ADGRG7: variants seen among roughly 807,000 people sequenced by gnomAD.
ADGRG7 encodes G-protein coupled receptor 128.
Under a neutral mutation model 88.6 loss-of-function variants are expected in ADGRG7, and 82 were observed. The observed-to-expected ratio is 0.93, with a 90% CI of 0.77 to 1.11. The LOEUF is 1.11. ADGRG7 is among the 50% of genes most tolerant of loss of function. ADGRG7 has a pLI of 0.00. For missense variants in ADGRG7, 945 were observed against 953.4 expected, an observed-to-expected ratio of 0.99 and a Z score of 0.12; for synonymous variants, 381 against 345.2, an observed-to-expected ratio of 1.10 and a Z score of -1.15.
At chr3:100,669,435 G>A (rs1199597529) in intron 15 of ADGRG7, among the ~76,000 whole-genome samples, 2 of 150,128 alleles carry the variant, frequency 1.3e-5, no homozygotes, top group African/African-American at 4.9e-5. Context: ...GTCTCCTGCT[G>A]AGGCACGAGA....
At chr3:100,687,286 TG>T (rs1322159571) in intron 15 of ADGRG7, among the ~76,000 whole-genome samples, 1 of 152,220 alleles carries the variant, frequency 6.6e-6, no homozygotes, top group Non-Finnish European at 1.5e-5. Flanking sequence ...GCTGAGATGA[TG>T]GGGTTTTCTA....
rs552567367 is a variant in ADGRG7, at chr3:100,648,522, C to T, written c.1267-1173C>T. 1.8e-3 allele frequency among the ~76,000 whole-genome samples: 280 copies of T among 151,926 alleles called. 2 individuals carry two copies. Among genetic ancestry groups the T allele is most frequent in the African/African-American group, 6.2e-3 (258 of 41,440 alleles). ...ATTGCATAAAGCATGAAAGTATGCA[C>T]CAAACAAAAATATACTGATATGGAA... On this transcript the variant is annotated intron_variant, in intron 10 of 15. Coordinates refer to ENST00000273352, the MANE Select transcript of ADGRG7 (RefSeq NM_032787.3).
chr3:100,684,494 C>T (rs2094978965), intron 15 of ADGRG7, among the ~76,000 whole-genome samples: 5 of 152,040 alleles, frequency 3.3e-5, no homozygotes, highest in South Asian at 2.1e-4. Context: ...TCTTGAACTC[C>T]TGGGCTCAAG....
chr3:100,668,284 G>A (rs1000077932), intron 14 of ADGRG7, among the ~76,000 whole-genome samples: 1 of 152,146 alleles, frequency 6.6e-6, no homozygotes, highest in East Asian at 1.9e-4. Flanking sequence ...GTGTTTGGTT[G>A]GTTTTAGTAG....
At chr3:100,679,772 T>C (rs1037407474) in intron 15 of ADGRG7, among the ~76,000 whole-genome samples, 3 of 152,200 alleles carry the variant, frequency 2.0e-5, no homozygotes, top group Non-Finnish European at 4.4e-5. Context: ...TTTTCTCCTA[T>C]GTAAGGGGTT....
chr3:100,687,107 A>G (rs1335689213), intron 15 of ADGRG7, among the ~76,000 whole-genome samples: 74 of 152,254 alleles, frequency 4.9e-4, no homozygotes, highest in African/African-American at 1.7e-3. Flanking sequence ...TCCCTTGTAC[A>G]TTAGATTCCT....
rs2094999937 is a variant in ADGRG7, at chr3:100,694,965, ACT to A, written c.2363_2364del (p.Ser788Ter). 2 of 1,614,108 alleles carry A rather than the reference ACT, an allele frequency of 1.2e-6. No individual in the cohort carries two copies. Among genetic ancestry groups the A allele is most frequent in the Non-Finnish European group, 8.5e-7 (1 of 1,179,982 alleles). On this transcript the variant is annotated frameshift_variant, in exon 16 of 16. Transcript: ENST00000273352. LOFTEE classifies it high-confidence loss of function. ...CCTCTCCGAGTACTGAGGAAATCAC[ACT>A]CTCTGAAAGTGACAATGCAAAGGAA... ...ETSPSTEEIT[L>X]SESDNAKESI is the part of the protein sequence containing the mutation.
chr3:100,625,822 G>A (rs925687390), intron 1 of ADGRG7, among the ~76,000 whole-genome samples: 6 of 152,178 alleles, frequency 3.9e-5, no homozygotes, highest in Non-Finnish European at 8.8e-5. Flanking sequence ...TTTATGTGAT[G>A]GATTACATTT....
intron 6 of ADGRG7, among the ~76,000 whole-genome samples, chr3:100,641,334 T>G (rs1707639182): frequency 6.6e-6 from 1 of 152,364 alleles, no homozygotes. Flanking sequence ...TAATGCATGG[T>G]TATAGTAATC....
intron 15 of ADGRG7, among the ~76,000 whole-genome samples, chr3:100,676,014 T>G (rs1576336373): frequency 6.6e-6 from 1 of 152,116 alleles, no homozygotes; most frequent in Non-Finnish European, 1.5e-5. Context: ...TTAGTTAATC[T>G]GACTAAATGT....
intron 1 of ADGRG7, among the ~76,000 whole-genome samples, chr3:100,619,540 C>T (rs147064896): frequency 0.016 from 2,500 of 151,818 alleles, 72 homozygotes; most frequent in African/African-American, 0.057. Flanking sequence ...TAGCAGAAGG[C>T]GAGAAATAAC....
At chr3:100,625,774 C>G (rs1429399028) in intron 1 of ADGRG7, among the ~76,000 whole-genome samples, 1 of 152,144 alleles carries the variant, frequency 6.6e-6, no homozygotes, top group Non-Finnish European at 1.5e-5. Flanking sequence ...TTTTCTGCAT[C>G]TATTGAGGTG....
At chr3:100,616,412 G>A (rs1707225576) in intron 1 of ADGRG7, among the ~76,000 whole-genome samples, 2 of 151,906 alleles carry the variant, frequency 1.3e-5, no homozygotes, top group South Asian at 2.1e-4. Context: ...GAAAAATACA[G>A]TATTTTAAAA....
intron 14 of ADGRG7, among the ~76,000 whole-genome samples, chr3:100,661,377 G>A (rs2094945100): frequency 6.6e-6 from 1 of 152,180 alleles, no homozygotes; most frequent in South Asian, 2.1e-4. Context: ...ATGAGTAAAA[G>A]CCACCATCTT....
chr3:100,687,773 G>A (rs1273394629), intron 15 of ADGRG7, among the ~76,000 whole-genome samples: 1 of 152,178 alleles, frequency 6.6e-6, no homozygotes, highest in Non-Finnish European at 1.5e-5. Context: ...GCTGGATTCG[G>A]TTTGCCAGTA....
intron 15 of ADGRG7, among the ~76,000 whole-genome samples, chr3:100,690,377 C>T (rs989714432): frequency 9.9e-5 from 15 of 152,212 alleles, no homozygotes; most frequent in Admixed American, 9.8e-4. Flanking sequence ...CTCAACTCGT[C>T]AAAGTCATTC....
At chr3:100,638,976 T>C (rs910581424) in intron 6 of ADGRG7, among the ~76,000 whole-genome samples, 1 of 152,064 alleles carries the variant, frequency 6.6e-6, no homozygotes, top group East Asian at 1.9e-4. Flanking sequence ...TATTAACCTG[T>C]TGGTATATAT....
chr3:100,642,660 T>C (rs1707662877), intron 6 of ADGRG7, among the ~76,000 whole-genome samples: 1 of 152,178 alleles, frequency 6.6e-6, no homozygotes, highest in Admixed American at 6.5e-5. Context: ...AATTGACAGG[T>C]TGCCCCCACT....
chr3:100,672,493 C>T (rs575032832), intron 15 of ADGRG7, among the ~76,000 whole-genome samples: 3 of 152,272 alleles, frequency 2.0e-5, no homozygotes, highest in Non-Finnish European at 2.9e-5. Flanking sequence ...ACAATCATGT[C>T]GTCTGCAAAC....
Sources: allele counts gnomAD v4.1 joint callset (sites outside exome capture counted in the v4.1 genomes callset), GRCh38; gene constraint gnomAD v4.1.1; transcripts MANE v1.5; gene names NCBI Gene and HGNC (gene_info 2026-07-23, HGNC 2026-07-21).